Variants in PKHD1L1 observed in about 807,000 individuals in gnomAD.
PKHD1L1 encodes PKHD1 like 1, also known as fibrocystin-L.
A neutral mutation model predicts 462.9 loss-of-function variants in PKHD1L1; 434 were observed. That is an observed-to-expected ratio of 0.94 (90% CI 0.87 to 1.02). PKHD1L1 has a LOEUF of 1.02. Among genes scored for constraint, PKHD1L1 ranks in the 50% least tolerant of loss-of-function variants. The pLI is 0.00. For missense variants in PKHD1L1, 5,202 were observed against 5,096.1 expected (o/e 1.02, Z -0.63); for synonymous variants, 1,781 against 1,750.0 (o/e 1.02, Z -0.44).
At chr8:109,511,197 T>A (rs1333913956) in intron 71 of PKHD1L1, among the ~76,000 whole-genome samples, 1 of 152,086 alleles carries the variant, frequency 6.6e-6, no homozygotes, top group Non-Finnish European at 1.5e-5. Flanking sequence ...TAAATTTTTA[T>A]TTTTTTATTA....
chr8:109,412,351 C>T lies in PKHD1L1; in HGVS notation c.2172C>T (p.Asp724=), dbSNP rs1813901081. The T allele has an allele frequency of 1.2e-6, 2 of 1,613,756 alleles. No homozygotes were observed. Among genetic ancestry groups the T allele is most frequent in the Non-Finnish European group, 1.7e-6 (2 of 1,179,720 alleles). Residue 724 remains aspartate (D), a synonymous_variant, in exon 20 of 78, where the codon GAC becomes GAT. Transcript: ENST00000378402. ...TGAAAAACCCAGCTGTTCTTTTTGA[C>T]TCAGCAGATGTTAAACCAAACAGAC... ...YSLKNPAVLF[D]SADVKPNRRP...
chr8:109,493,767 C>G lies in PKHD1L1; in HGVS notation c.10327+16C>G, dbSNP rs552686992. On this transcript the variant is annotated intron_variant, in intron 63 of 77. Transcript: ENST00000378402. ...CCTTGCCCAGGTAAGTCTTTTAAAC[C>G]AGGAATCGCTAAAACTAGGAAATAA... 8.5e-6 allele frequency: 13 copies of G among 1,532,764 alleles called. No homozygotes were observed. The highest frequency in any genetic ancestry group is 3.9e-5 in the Admixed American group (2 of 51,280). 94.9% of individuals were successfully genotyped at this position (1,532,764 alleles called of 1,614,324 possible).
chr8:109,477,905 G>A (rs1021094310), intron 53 of PKHD1L1, among the ~76,000 whole-genome samples: 4 of 152,024 alleles, frequency 2.6e-5, no homozygotes, highest in African/African-American at 4.8e-5. Flanking sequence ...TTCTATCTTT[G>A]TAACTTACAT....
Position 109,507,676 on chromosome 8 carries a change from T to C in PKHD1L1, c.11008T>C (p.Ser3670Pro). Residue 3670 changes from serine (S) to proline (P), a missense_variant, in exon 69 of 78, where the codon TCT becomes CCT. Ser to Pro is a moderately conservative substitution (Grantham distance 74, BLOSUM62 -1). Around this residue, in one of 3 missense-constraint regions of PKHD1L1, gnomAD observed 698 missense variants for 736.3 expected, o/e 0.95. Transcript: ENST00000378402. ...HRPDISKVNP[S>P]DCVDMVCDAK... Reference sequence around the variant, plus strand: ...TTTTCTCCACAGTAAGGTCAATCCATCTGATTGTGTAGACATGGTTTGTGA... The same window carrying C: ...TTTTCTCCACAGTAAGGTCAATCCACCTGATTGTGTAGACATGGTTTGTGA... 1 of 1,612,960 alleles carries C rather than the reference T, an allele frequency of 6.2e-7. No individual in the cohort carries two copies. Among genetic ancestry groups the C allele is most frequent in the East Asian group, 2.2e-5 (1 of 44,840 alleles).
intron 25 of PKHD1L1, among the ~76,000 whole-genome samples, chr8:109,428,698 A>G (rs574042462): frequency 1.1e-4 from 16 of 152,230 alleles, no homozygotes; most frequent in African/African-American, 3.9e-4. Context: ...TCTTCTGCTT[A>G]TTCATTGTTT....
rs777867167 is a variant in PKHD1L1 at position 109,398,499 on chromosome 8, A to G, written c.963A>G (p.Ile321Met). 6.4e-7 allele frequency: 1 copy of G among 1,573,110 alleles called. No homozygotes were observed. Among genetic ancestry groups the G allele is most frequent in the South Asian group, 1.2e-5 (1 of 85,896 alleles). The change falls in exon 12 of 78, where the codon ATA (isoleucine) becomes ATG (methionine). Residue 321 changes from isoleucine (I) to methionine (M), a missense_variant. By Grantham distance (10) the Ile-to-Met change is conservative. This residue lies in a region of PKHD1L1 where 4,497 missense variants were observed against 4,336.8 expected (regional missense o/e 1.04). Coordinates refer to ENST00000378402, the MANE Select transcript of PKHD1L1 (RefSeq NM_177531.6). ...TTTTGAATGTCACAGAAAATAGTAT[A>G]TGTTGCAAGACACCCCCCAAACCTC... is the stretch of plus-strand genomic sequence containing the variant. ...CDILNVTENSICCKTPPKPHI... is the reference protein window; with the variant it reads ...CDILNVTENSMCCKTPPKPHI...
chr8:109,378,724 T>C (rs1379956956), intron 2 of PKHD1L1, among the ~76,000 whole-genome samples: 1 of 152,132 alleles, frequency 6.6e-6, no homozygotes, highest in African/African-American at 2.4e-5. Flanking sequence ...GTTGCTAACT[T>C]TGTAGGCAGG....
In PKHD1L1 at chr8:109,461,793, G is replaced by C. The variant is rs375479620; in HGVS notation, c.7268G>C (p.Cys2423Ser). 1.2e-6 allele frequency: 2 copies of C among 1,609,444 alleles called. No homozygotes were observed. The highest frequency in any genetic ancestry group is 2.7e-5 in the African/African-American group (2 of 74,826). The change falls in exon 48 of 78, where the codon TGT becomes TCT. Residue 2423 changes from cysteine to serine, a missense_variant. Cys to Ser is a moderately radical substitution (Grantham distance 112). Transcript: ENST00000378402. ...FDTGEFATQT[C>S]LQGKFGEEIG... Reference sequence around the variant, plus strand: ...GAAGGAGAATTTGCTACACAGACCTGTCTCCAAGGAAAGTTTGGAGAAGAA... The same window carrying C: ...GAAGGAGAATTTGCTACACAGACCTCTCTCCAAGGAAAGTTTGGAGAAGAA...
At chr8:109,472,394 CTTAT>C (rs1415838291) in intron 50 of PKHD1L1, among the ~76,000 whole-genome samples, 1 of 151,936 alleles carries the variant, frequency 6.6e-6, no homozygotes, top group Admixed American at 6.6e-5. Flanking sequence ...CTTTTGTTTG[CTTAT>C]TTGTCTATAT....
At chr8:109,441,411 G>A in intron 34 of PKHD1L1, 32 bp downstream of exon 34, 1 of 1,207,802 alleles carries the variant, frequency 8.3e-7, no homozygotes, top group Non-Finnish European at 1.2e-6. Flanking sequence ...TGAAATAATG[G>A]AAGCACTGAA....
intron 50 of PKHD1L1, chr8:109,470,153 A>G (rs1471124): frequency 0.53 from 342,693 of 646,096 alleles, 92,552 homozygotes; most frequent in South Asian, 0.69. Flanking sequence ...GTTGATCCCC[A>G]AAAATATTTG....
rs571481181 is a variant in PKHD1L1, at chr8:109,486,013, T to C, written c.9707-635T>C. ...TCATTTAAAATATCAAGCATTTTTC[T>C]CTGTTTGAAATGCACCTGCTTGTCT... On this transcript the variant is annotated intron_variant, in intron 58 of 77. Transcript: ENST00000378402. Among the ~76,000 whole-genome samples, 23 of 152,124 alleles carry C rather than the reference T, an allele frequency of 1.5e-4. No homozygotes were observed. The Middle Eastern group carries it at 0.01, about 67-fold the overall frequency.
At chr8:109,465,274 A>C in intron 49 of PKHD1L1, 29 bp downstream of exon 49, 1 of 1,585,828 alleles carries the variant, frequency 6.3e-7, no homozygotes, top group Non-Finnish European at 8.6e-7. Context: ...TTGTGATAAA[A>C]ATCCATTGGA....
chr8:109,526,971 G>A lies in PKHD1L1; in HGVS notation c.12672G>A (p.Trp4224Ter), dbSNP rs753353888. Residue 4224 changes from tryptophan to a stop codon, truncating the protein, a stop_gained, in exon 77 of 78, where the codon TGG becomes TGA. Transcript: ENST00000378402. LOFTEE classifies it low-confidence loss of function (END_TRUNC). ...TTAGCTGTCTGGTTGGAAGAATGTGGCTCTTGGAAATATTTATGGCTGCAG... is the reference window on the plus strand; with the variant it reads ...TTAGCTGTCTGGTTGGAAGAATGTGACTCTTGGAAATATTTATGGCTGCAG... The part of the protein sequence containing the change: ...VVISCLVGRM[W>*]LLEIFMAAVS... 3 of 1,613,684 alleles carry A rather than the reference G, an allele frequency of 1.9e-6. No individual in the cohort carries two copies. The highest frequency in any genetic ancestry group is 1.3e-5 in the African/African-American group (1 of 75,016).
intron 37 of PKHD1L1, 126 bp downstream of exon 37, chr8:109,444,028 C>A: frequency 2.5e-6 from 2 of 797,976 alleles, no homozygotes; most frequent in East Asian, 2.7e-5. Context: ...ACAATTCACC[C>A]ACTTAAAGTG....
At chr8:109,389,254 G>T in intron 8 of PKHD1L1, 102 bp downstream of exon 8, 1 of 863,788 alleles carries the variant, frequency 1.2e-6, no homozygotes, top group African/African-American at 1.8e-5. Context: ...TTTGGATCAG[G>T]TGTTTTTGTT....
intron 16 of PKHD1L1, among the ~76,000 whole-genome samples, chr8:109,406,040 A>G (rs1325870967): frequency 6.6e-6 from 1 of 152,196 alleles, no homozygotes; most frequent in Non-Finnish European, 1.5e-5. Flanking sequence ...AATTGTTTTA[A>G]CCAGTAAATA....
rs2131059212 is a variant in PKHD1L1, at chr8:109,530,286, TTA to T, written c.*200_*201del. On this transcript the variant is annotated 3_prime_UTR_variant, in exon 78 of 78. Coordinates refer to ENST00000378402, the MANE Select transcript of PKHD1L1 (RefSeq NM_177531.6). ...ATAAATTTGTTTTGATTCTTTATAT[TTA>T]TATGTTTTTATTTCATTTCAATAAA... 6.6e-6 allele frequency: 2 copies of T among 302,840 alleles called. No homozygotes were observed. Among genetic ancestry groups the T allele is most frequent in the South Asian group, 1.5e-4 (1 of 6,822 alleles). 18.8% of individuals were successfully genotyped at this position (302,840 alleles called of 1,614,324 possible). A position where few individuals can be genotyped will look rare whatever the true frequency, so the allele number is the denominator to read the frequency against.
intron 5 of PKHD1L1, among the ~76,000 whole-genome samples, chr8:109,385,210 A>G (rs924420746): frequency 1.4e-5 from 2 of 146,328 alleles, no homozygotes; most frequent in Admixed American, 1.4e-4. Flanking sequence ...TTTCATTTTT[A>G]TTTCACCTAA....
Sources: allele counts gnomAD v4.1 joint callset (sites outside exome capture counted in the v4.1 genomes callset), GRCh38; gene constraint gnomAD v4.1.1; regional missense constraint gnomAD v4.1.1; transcripts MANE v1.5; gene names NCBI Gene and HGNC (gene_info 2026-07-23, HGNC 2026-07-21).